The following GOLIM4 variants were observed in gnomAD, a reference collection of about 807,000 sequenced individuals.
GOLIM4 encodes the protein golgi integral membrane protein 4.
Under a neutral mutation model 107.4 loss-of-function variants are expected in GOLIM4, and 71 were observed. The observed-to-expected ratio is 0.66, with a 90% CI of 0.55 to 0.81. The LOEUF (loss-of-function observed/expected upper bound fraction) is 0.81. Ranked by LOEUF, GOLIM4 falls within the 30% of genes least tolerant of loss-of-function variation. The pLI, the probability that GOLIM4 is intolerant of heterozygous loss-of-function variation, is 0.00. For synonymous variants in GOLIM4, 327 were observed against 294.8 expected, an observed-to-expected ratio of 1.11 and a Z score of -1.12; for missense variants, 830 against 826.1, an observed-to-expected ratio of 1.00 and a Z score of -0.06.
intron 14 of GOLIM4, among the ~76,000 whole-genome samples, chr3:168,014,695 T>C (rs1717262450): frequency 7.2e-6 from 1 of 139,452 alleles, no homozygotes; most frequent in Admixed American, 6.9e-5. Context: ...TCCACCATGA[T>C]CAAGTGGGCT....
At chr3:168,086,729 AT>A (rs1721647416) in intron 1 of GOLIM4, among the ~76,000 whole-genome samples, 1 of 152,218 alleles carries the variant, frequency 6.6e-6, no homozygotes, top group South Asian at 2.1e-4. Context: ...CTATGAGCCT[AT>A]TTAGTAAAGC....
intron 1 of GOLIM4, among the ~76,000 whole-genome samples, chr3:168,075,463 A>AT (rs1423134979): frequency 1.2e-4 from 18 of 150,876 alleles, no homozygotes; most frequent in African/African-American, 4.1e-4. Flanking sequence ...CGCCCGGCTA[A>AT]TTTTTTTTGT....
intron 1 of GOLIM4, among the ~76,000 whole-genome samples, chr3:168,079,100 A>G (rs1448821669): frequency 1.3e-5 from 2 of 152,336 alleles, no homozygotes; most frequent in East Asian, 3.9e-4. Context: ...AATAGTCATC[A>G]ATCATATCAA....
intron 1 of GOLIM4, among the ~76,000 whole-genome samples, chr3:168,070,144 A>G (rs1720761022): frequency 6.6e-6 from 1 of 152,232 alleles, no homozygotes; most frequent in African/African-American, 2.4e-5. Context: ...CTGTAATCCC[A>G]GCACTTTGGG....
At chr3:168,048,115 T>C (rs773718527) in intron 2 of GOLIM4, among the ~76,000 whole-genome samples, 176 bp downstream of exon 2, 3 of 152,218 alleles carry the variant, frequency 2.0e-5, no homozygotes, top group Admixed American at 6.5e-5. Context: ...CAATCTTGTA[T>C]AGGGATTATT....
chr3:168,045,336 T>C (rs894095019), intron 3 of GOLIM4, among the ~76,000 whole-genome samples: 1 of 152,202 alleles, frequency 6.6e-6, no homozygotes, highest in Non-Finnish European at 1.5e-5. Context: ...AGGCACTTTC[T>C]TTCCCTGAAC....
chr3:168,018,856 C>T (rs1199045935), intron 14 of GOLIM4, among the ~76,000 whole-genome samples: 1 of 151,928 alleles, frequency 6.6e-6, no homozygotes, highest in Non-Finnish European at 1.5e-5. Context: ...GAGTCTATGC[C>T]GTATGGCAGG....
At chr3:168,034,326 A>T (rs2108234026) in intron 8 of GOLIM4, among the ~76,000 whole-genome samples, 1 of 152,354 alleles carries the variant, frequency 6.6e-6, no homozygotes, top group South Asian at 2.1e-4. Flanking sequence ...AGATGGAAAA[A>T]CTGAAGATCT....
intron 2 of GOLIM4, among the ~76,000 whole-genome samples, chr3:168,048,065 T>C (rs1209031292): frequency 6.6e-6 from 1 of 152,044 alleles, no homozygotes; most frequent in African/African-American, 2.4e-5. Context: ...ATATATGAGC[T>C]ATCACAAGGT....
At chr3:168,057,846 C>A (rs879351446) in intron 1 of GOLIM4, among the ~76,000 whole-genome samples, 1 of 152,138 alleles carries the variant, frequency 6.6e-6, no homozygotes, top group Non-Finnish European at 1.5e-5. Flanking sequence ...TAGTGATATT[C>A]GACAGCACTT....
At chr3:168,085,747 A>G (rs1721585152) in intron 1 of GOLIM4, among the ~76,000 whole-genome samples, 2 of 152,166 alleles carry the variant, frequency 1.3e-5, no homozygotes, top group African/African-American at 4.8e-5. Flanking sequence ...AGGCTTTGAG[A>G]CCTACTACAG....
chr3:168,056,663 C>T (rs1202570735), intron 1 of GOLIM4, among the ~76,000 whole-genome samples: 2 of 152,188 alleles, frequency 1.3e-5, no homozygotes, highest in Non-Finnish European at 2.9e-5. Flanking sequence ...GGAGATAGTT[C>T]CAGAGCTTTA....
intron 1 of GOLIM4, among the ~76,000 whole-genome samples, chr3:168,056,468 A>G (rs1719978200): frequency 6.6e-6 from 1 of 152,224 alleles, no homozygotes; most frequent in Admixed American, 6.5e-5. Context: ...TCTGGACCCC[A>G]GAATGGCAGA....
At chr3:168,058,868 A>G (rs1720114994) in intron 1 of GOLIM4, among the ~76,000 whole-genome samples, 2 of 152,200 alleles carry the variant, frequency 1.3e-5, no homozygotes, top group South Asian at 4.1e-4. Flanking sequence ...CTAAAATTAG[A>G]TATCTATAAA....
At chr3:168,083,876 C>T (rs561633282) in intron 1 of GOLIM4, among the ~76,000 whole-genome samples, 2 of 152,314 alleles carry the variant, frequency 1.3e-5, no homozygotes, top group Non-Finnish European at 2.9e-5. Flanking sequence ...TCAGCATGTG[C>T]TGAATGTAGA....
Position 168,037,021 on chromosome 3 carries a change from A to G in GOLIM4, c.685-27T>C, listed in dbSNP as rs756209163. On this transcript the variant is annotated intron_variant, in intron 7 of 15. Transcript: ENST00000470487. ...TGCATATAAATTGCACAATTTGAGG[A>G]GGGAATCTATGAATGCCCATTCATA... 22 of 1,236,522 alleles carry G rather than the reference A, an allele frequency of 1.8e-5. No homozygotes were observed. In the East Asian group the frequency reaches 2.3e-4, roughly 13 times the overall value. 76.6% of individuals were successfully genotyped at this position (1,236,522 alleles called of 1,614,324 possible).
chr3:168,092,907 T>C (rs1401675066), intron 1 of GOLIM4, among the ~76,000 whole-genome samples: 2 of 152,214 alleles, frequency 1.3e-5, no homozygotes, highest in Non-Finnish European at 2.9e-5. Context: ...TGCACAATTA[T>C]ACTGCAAGTT....
At chr3:168,045,280 G>A (rs1195718069) in intron 3 of GOLIM4, among the ~76,000 whole-genome samples, 1 of 152,164 alleles carries the variant, frequency 6.6e-6, no homozygotes, top group Non-Finnish European at 1.5e-5. Flanking sequence ...AAACCGATGA[G>A]GAGCGGGCCT....
chr3:168,013,548 C>CT (rs1367253966), intron 14 of GOLIM4, among the ~76,000 whole-genome samples: 9 of 140,034 alleles, frequency 6.4e-5, no homozygotes, highest in Admixed American at 2.0e-4. Flanking sequence ...ACCTAATAGA[C>CT]ATCTACAGAA....
Sources: gnomAD v4.1 joint callset for allele counts (sites outside exome capture counted in the v4.1 genomes callset) on GRCh38, gnomAD v4.1.1 for gene constraint, MANE v1.5 for transcripts, NCBI Gene and HGNC (gene_info 2026-07-23, HGNC 2026-07-21) for gene names.